CAB39: variants seen among roughly 807,000 people sequenced by gnomAD.
CAB39 encodes calcium binding protein 39.
Under a neutral mutation model 40.0 loss-of-function variants are expected in CAB39, and 8 were observed. That is an observed-to-expected ratio of 0.20 (90% CI 0.12 to 0.36). The LOEUF is 0.36. Ranked by LOEUF, CAB39 falls within the 10% of genes least tolerant of loss-of-function variation. CAB39 has a pLI of 1.00. For synonymous variants in CAB39, 156 were observed against 141.6 expected, an observed-to-expected ratio of 1.10 and a Z score of -0.72; for missense variants, 270 against 401.1, an observed-to-expected ratio of 0.67 and a Z score of 2.79.
intron 1 of CAB39, among the ~76,000 whole-genome samples, chr2:230,733,233 A>G (rs762223869): frequency 4.4e-4 from 67 of 151,802 alleles, no homozygotes; most frequent in African/African-American, 1.5e-3. Context: ...TCATTCTCCA[A>G]TTTGCCCTAG....
chr2:230,715,185 A>G (rs1399207213), intron 1 of CAB39, among the ~76,000 whole-genome samples: 5 of 152,196 alleles, frequency 3.3e-5, no homozygotes, highest in Non-Finnish European at 7.3e-5. Flanking sequence ...TTCATATAAA[A>G]AATTTTTACT....
Position 230,791,022 on chromosome 2 carries a change from C to T in CAB39, c.265C>T (p.Leu89Phe), listed in dbSNP as rs761919012. Reference protein sequence around the residue: ...LLSTLVADLQLIDFEGKKDVA... With the variant: ...LLSTLVADLQFIDFEGKKDVA... Reference sequence around the variant, plus strand: ...TAGCACCCTGGTAGCTGATTTACAGCTCATTGACTTTGAGGTAAGAAATCA... The same window carrying T: ...TAGCACCCTGGTAGCTGATTTACAGTTCATTGACTTTGAGGTAAGAAATCA... Residue 89 changes from leucine to phenylalanine, a missense_variant, in exon 3 of 9, where the codon CTC becomes TTC. Coordinates refer to ENST00000258418, the MANE Select transcript of CAB39 (RefSeq NM_016289.4). The T allele has an allele frequency of 1.3e-5, 20 of 1,586,486 alleles. No homozygotes were observed. Among genetic ancestry groups the T allele is most frequent in the Non-Finnish European group, 1.6e-5 (19 of 1,171,574 alleles).
intron 4 of CAB39, among the ~76,000 whole-genome samples, chr2:230,795,053 A>C (rs1267039208): frequency 6.6e-6 from 1 of 152,156 alleles, no homozygotes; most frequent in African/African-American, 2.4e-5. Context: ...AGGCGGGTGG[A>C]TCACTTGAGT....
At chr2:230,718,584 T>C (rs561553693) in intron 1 of CAB39, among the ~76,000 whole-genome samples, 1 of 152,342 alleles carries the variant, frequency 6.6e-6, no homozygotes, top group African/African-American at 2.4e-5. Context: ...TTGAATTCCT[T>C]GGATGGTAAT....
chr2:230,775,352 C>T (rs984219379), intron 2 of CAB39, among the ~76,000 whole-genome samples: 1 of 151,692 alleles, frequency 6.6e-6, no homozygotes, highest in Non-Finnish European at 1.5e-5. Context: ...TCTCCTGCCT[C>T]AGCCTCCTGA....
chr2:230,762,289 A>G (rs1316297216), intron 2 of CAB39, among the ~76,000 whole-genome samples: 1 of 152,192 alleles, frequency 6.6e-6, no homozygotes, highest in Non-Finnish European at 1.5e-5. Flanking sequence ...TGAAAAGTTT[A>G]GCTCCAGAAA....
At chr2:230,749,428 T>C (rs903896476) in intron 1 of CAB39, among the ~76,000 whole-genome samples, 8 of 152,182 alleles carry the variant, frequency 5.3e-5, no homozygotes, top group Admixed American at 4.6e-4. Flanking sequence ...AAATACACTT[T>C]TTATATTTAG....
At chr2:230,745,877 G>A (rs1332269188) in intron 1 of CAB39, among the ~76,000 whole-genome samples, 7 of 152,038 alleles carry the variant, frequency 4.6e-5, no homozygotes, top group South Asian at 4.2e-4. Flanking sequence ...CGCCTGCTTC[G>A]GCCTCCCAAA....
intron 2 of CAB39, among the ~76,000 whole-genome samples, chr2:230,766,509 C>T (rs550942506): frequency 8.5e-5 from 13 of 152,130 alleles, no homozygotes; most frequent in Non-Finnish European, 1.9e-4. Flanking sequence ...ATCCAAACAC[C>T]TCCCACCAGG....
chr2:230,725,346 C>T (rs1694545257), intron 1 of CAB39: 2 of 1,587,844 alleles, frequency 1.3e-6, no homozygotes, highest in Non-Finnish European at 1.7e-6. Flanking sequence ...AGGCTCCCCA[C>T]TGGCTTCTCC....
intron 1 of CAB39, among the ~76,000 whole-genome samples, chr2:230,730,271 G>C (rs1439037180): frequency 6.6e-6 from 1 of 151,986 alleles, no homozygotes; most frequent in East Asian, 1.9e-4. Context: ...ACCACACCGA[G>C]TTAATTTTTG....
chr2:230,718,962 A>G (rs925841479), intron 1 of CAB39, among the ~76,000 whole-genome samples: 8 of 152,162 alleles, frequency 5.3e-5, no homozygotes, highest in Non-Finnish European at 1.0e-4. Flanking sequence ...TTATGCAGTA[A>G]TGTCTTCTTT....
intron 7 of CAB39, among the ~76,000 whole-genome samples, chr2:230,817,540 C>T (rs562630088): frequency 4.7e-4 from 71 of 152,172 alleles, no homozygotes; most frequent in African/African-American, 1.3e-3. Context: ...TCAGGCCTCC[C>T]GTAGACTTCA....
chr2:230,734,884 C>G (rs748837304), intron 1 of CAB39, among the ~76,000 whole-genome samples: 1 of 152,148 alleles, frequency 6.6e-6, no homozygotes, highest in Non-Finnish European at 1.5e-5. Flanking sequence ...GGGTGGAACA[C>G]TGTTCTGCAT....
intron 1 of CAB39, chr2:230,725,422 G>T: frequency 6.3e-7 from 1 of 1,577,952 alleles, no homozygotes; most frequent in Non-Finnish European, 8.7e-7. Flanking sequence ...GGCTTAATCC[G>T]CAACTTCAGT....
chr2:230,760,337 T>C (rs1462947838), intron 2 of CAB39, among the ~76,000 whole-genome samples: 1 of 152,238 alleles, frequency 6.6e-6, no homozygotes, highest in African/African-American at 2.4e-5. Flanking sequence ...ATTTAAATTG[T>C]GTTTATTTCA....
intron 4 of CAB39, among the ~76,000 whole-genome samples, chr2:230,795,621 G>A (rs540031493): frequency 6.6e-6 from 1 of 152,204 alleles, no homozygotes; most frequent in Non-Finnish European, 1.5e-5. Context: ...ACCGGTGGAT[G>A]CAGGTGTCCT....
At chr2:230,789,547 T>C (rs1695856120) in intron 2 of CAB39, among the ~76,000 whole-genome samples, 1 of 152,178 alleles carries the variant, frequency 6.6e-6, no homozygotes, top group African/African-American at 2.4e-5. Flanking sequence ...CTAGTGAATA[T>C]GAGGTTTTCC....
chr2:230,818,831 T>G lies in CAB39; in HGVS notation c.*127T>G. ...GCTGTTAAGTGAACGGTTTTTCATT[T>G]TACCCTTTTGTTTTTCAGTCCAGGT... On this transcript the variant is annotated 3_prime_UTR_variant, in exon 9 of 9. Transcript: ENST00000258418. 1.3e-6 allele frequency: 1 copy of G among 773,144 alleles called. No homozygotes were observed. Among genetic ancestry groups the G allele is most frequent in the East Asian group, 2.8e-5 (1 of 35,928 alleles). 47.9% of individuals were successfully genotyped at this position (773,144 alleles called of 1,614,324 possible). A position where few individuals can be genotyped will look rare whatever the true frequency, so the allele number is the denominator to read the frequency against.
Sources: gnomAD v4.1 joint callset for allele counts (sites outside exome capture counted in the v4.1 genomes callset) on GRCh38, gnomAD v4.1.1 for gene constraint, MANE v1.5 for transcripts, NCBI Gene and HGNC (gene_info 2026-07-23, HGNC 2026-07-21) for gene names.